The following SPOCK1 variants were observed in gnomAD, a reference collection of about 807,000 sequenced individuals.
SPOCK1 encodes the protein testican-1.
Under a neutral mutation model 55.3 loss-of-function variants are expected in SPOCK1, and 23 were observed. The observed-to-expected ratio is 0.42, with a 90% CI of 0.30 to 0.59. The LOEUF (loss-of-function observed/expected upper bound fraction) is 0.59. Among genes scored for constraint, SPOCK1 ranks in the 20% least tolerant of loss-of-function variants. The pLI is 0.22. For missense variants in SPOCK1, 499 were observed against 552.5 expected (o/e 0.90, Z 0.97); for synonymous variants, 226 against 221.0 (o/e 1.02, Z -0.20).
intron 6 of SPOCK1, among the ~76,000 whole-genome samples, chr5:137,064,732 G>C (rs1289136934): frequency 6.6e-6 from 1 of 152,176 alleles, no homozygotes; most frequent in Non-Finnish European, 1.5e-5. Context: ...CAGCCCTGTT[G>C]CCTGTCATAA....
At chr5:137,142,494 C>T (rs1754118962) in intron 3 of SPOCK1, among the ~76,000 whole-genome samples, 1 of 152,218 alleles carries the variant, frequency 6.6e-6, no homozygotes. Flanking sequence ...TTCTCAGGCC[C>T]ATCTGGAAAG....
chr5:137,476,615 C>T (rs987839239), intron 2 of SPOCK1, among the ~76,000 whole-genome samples: 4 of 152,070 alleles, frequency 2.6e-5, no homozygotes, highest in African/African-American at 9.7e-5. Flanking sequence ...TGCAGCTCAG[C>T]AAAACACATC....
rs1260863458 is a variant in SPOCK1 at position 137,356,575 on chromosome 5, G to A, written c.187-89520C>T. Among the ~76,000 whole-genome samples, 4 of 151,202 alleles carry A rather than the reference G, an allele frequency of 2.6e-5. No homozygotes were observed. In the East Asian group the frequency reaches 7.9e-4, roughly 30 times the overall value. ...GAGTCCCAGGTGGATGTATCACTTG[G>A]GGGCCAAGAGTTTGAGACCAGCCTG... On this transcript the variant is annotated intron_variant, in intron 2 of 10. Transcript: ENST00000394945.
chr5:137,176,905 G>A (rs1435568396), intron 3 of SPOCK1, among the ~76,000 whole-genome samples: 4 of 152,116 alleles, frequency 2.6e-5, no homozygotes, highest in Non-Finnish European at 5.9e-5. Flanking sequence ...TCTGGTCAGG[G>A]CAGGCAGAAG....
At chr5:137,356,834 T>TAGAGAGAGAGAGAGAG (rs1231164356) in intron 2 of SPOCK1, among the ~76,000 whole-genome samples, 4 of 9,462 alleles carry the variant, frequency 4.2e-4, no homozygotes, top group Non-Finnish European at 6.0e-4. Context: ...TATATATATA[T>TAGAGAGAGAGAGAGAG]ATATAGAGAG....
intron 3 of SPOCK1, among the ~76,000 whole-genome samples, chr5:137,223,714 G>A (rs1755899092): frequency 6.6e-6 from 1 of 152,124 alleles, no homozygotes; most frequent in Non-Finnish European, 1.5e-5. Flanking sequence ...GCTCAAACAT[G>A]TAAGGTTGTA....
At chr5:137,334,712 C>T (rs1356436078) in intron 2 of SPOCK1, among the ~76,000 whole-genome samples, 1 of 152,186 alleles carries the variant, frequency 6.6e-6, no homozygotes, top group Non-Finnish European at 1.5e-5. Context: ...GACACAGATG[C>T]CTCATTTTCT....
chr5:136,999,797 C>T (rs1751114168), intron 6 of SPOCK1, among the ~76,000 whole-genome samples: 1 of 152,142 alleles, frequency 6.6e-6, no homozygotes, highest in South Asian at 2.1e-4. Flanking sequence ...TGTTAGAAAT[C>T]CTAACTGAAG....
intron 4 of SPOCK1, among the ~76,000 whole-genome samples, chr5:137,113,651 G>A (rs1221314519): frequency 4.6e-5 from 7 of 152,140 alleles, no homozygotes; most frequent in Non-Finnish European, 1.0e-4. Flanking sequence ...TTAAATGAGC[G>A]GATGTATCTG....
intron 6 of SPOCK1, chr5:136,993,055 T>C (rs1750977203): frequency 6.5e-6 from 1 of 152,844 alleles, no homozygotes; most frequent in African/African-American, 2.4e-5. Context: ...ATCCTATTAA[T>C]AGCAGACTCC....
At chr5:137,269,215 A>C (rs1756914013) in intron 2 of SPOCK1, among the ~76,000 whole-genome samples, 1 of 152,248 alleles carries the variant, frequency 6.6e-6, no homozygotes, top group African/African-American at 2.4e-5. Context: ...AAAATGTGAA[A>C]GTACACCTTG....
At chr5:137,324,713 A>G (rs6897157) in intron 2 of SPOCK1, among the ~76,000 whole-genome samples, 6,306 of 152,216 alleles carry the variant, frequency 0.041, 456 homozygotes, top group African/African-American at 0.14. Context: ...CAATATGCAT[A>G]TAATAACACT....
chr5:137,322,156 C>T (rs913796798), intron 2 of SPOCK1, among the ~76,000 whole-genome samples: 2 of 151,856 alleles, frequency 1.3e-5, no homozygotes, highest in Non-Finnish European at 2.9e-5. Context: ...CATAGCAAAA[C>T]CCCATTCTTA....
chr5:136,982,074 G>A (rs1489955979), intron 9 of SPOCK1, among the ~76,000 whole-genome samples: 1 of 152,114 alleles, frequency 6.6e-6, no homozygotes, highest in Non-Finnish European at 1.5e-5. Context: ...TTATACCTAG[G>A]AGCAATAGGC....
intron 6 of SPOCK1, among the ~76,000 whole-genome samples, chr5:137,009,156 G>A (rs1258670266): frequency 6.6e-6 from 1 of 152,112 alleles, no homozygotes; most frequent in Non-Finnish European, 1.5e-5. Flanking sequence ...ATTTTTACAA[G>A]AAATATAACA....
chr5:137,140,382 T>C (rs773757220), intron 4 of SPOCK1, among the ~76,000 whole-genome samples, 198 bp downstream of exon 4: 16 of 152,196 alleles, frequency 1.1e-4, no homozygotes, highest in Admixed American at 5.2e-4. Context: ...GAAATAAAGA[T>C]GGACATTCTT....
chr5:137,310,539 A>T (rs1454436793), intron 2 of SPOCK1, among the ~76,000 whole-genome samples: 2 of 152,232 alleles, frequency 1.3e-5, no homozygotes, highest in African/African-American at 4.8e-5. Flanking sequence ...ACAGCAACAT[A>T]TACTTGATGA....
At chr5:137,108,403 A>T (rs755855666) in intron 5 of SPOCK1, among the ~76,000 whole-genome samples, 8 of 152,322 alleles carry the variant, frequency 5.3e-5, no homozygotes, top group Non-Finnish European at 1.0e-4. Context: ...AAACTTCTAG[A>T]TGTTCACATA....
intron 2 of SPOCK1, among the ~76,000 whole-genome samples, chr5:137,428,302 A>G (rs1276715251): frequency 1.3e-5 from 2 of 152,212 alleles, no homozygotes; most frequent in Non-Finnish European, 2.9e-5. Flanking sequence ...CCTCTTAAGC[A>G]AGAGGTTTCT....
Sources: gnomAD v4.1 joint callset for allele counts (sites outside exome capture counted in the v4.1 genomes callset) on GRCh38, gnomAD v4.1.1 for gene constraint, MANE v1.5 for transcripts, NCBI Gene and HGNC (gene_info 2026-07-23, HGNC 2026-07-21) for gene names.